The following PADI2 variants were observed in gnomAD, a reference collection of about 807,000 sequenced individuals.
PADI2 encodes the protein protein-arginine deiminase type-2.
PADI2 carries 70 observed loss-of-function variants against 81.1 expected under a neutral mutation model. That is an observed-to-expected ratio of 0.86 (90% CI 0.71 to 1.05). PADI2 has a LOEUF of 1.05. Among genes scored for constraint, PADI2 ranks in the 50% least tolerant of loss-of-function variants. PADI2 has a pLI of 0.00. For synonymous variants in PADI2, 338 were observed against 358.0 expected, an observed-to-expected ratio of 0.94 and a Z score of 0.63; for missense variants, 853 against 889.9, an observed-to-expected ratio of 0.96 and a Z score of 0.53.
At chr1:17,095,155 A>G (rs1033324495) in intron 4 of PADI2, among the ~76,000 whole-genome samples, 1 of 152,250 alleles carries the variant, frequency 6.6e-6, no homozygotes, top group African/African-American at 2.4e-5. Context: ...GAAGGGCAGA[A>G]AATGGAAAGC....
intron 1 of PADI2, among the ~76,000 whole-genome samples, chr1:17,117,985 G>A (rs1569755): frequency 0.56 from 84,598 of 152,032 alleles, 25,131 homozygotes; most frequent in East Asian, 0.87. Context: ...AGGCCCAGGG[G>A]AAGGCAGAGG....
chr1:17,100,206 G>C (rs555249873), intron 3 of PADI2, among the ~76,000 whole-genome samples: 1 of 152,338 alleles, frequency 6.6e-6, no homozygotes, highest in African/African-American at 2.4e-5. Context: ...CAGGGTCTCT[G>C]TTGGAACAGG....
At position 17,119,416 on chromosome 1, in the gene PADI2, G is replaced by A. The variant is rs961145105; in HGVS notation, c.-45C>T. ...GCGCTCGCTGGTCCGGGGCGGCCGG[G>A]AGCACCTGCAGCAGGTGCGCCTTCT... On this transcript the variant is annotated 5_prime_UTR_variant, in exon 1 of 16. Transcript: ENST00000375486. The surrounding 1 kb of genome is among the most constrained non-coding windows in gnomAD (Gnocchi z 4.8). The A allele has an allele frequency of 1.4e-6, 2 of 1,430,888 alleles. No individual in the cohort carries two copies. Among genetic ancestry groups the A allele is most frequent in the South Asian group, 2.6e-5 (2 of 78,224 alleles). 88.6% of individuals were successfully genotyped at this position (1,430,888 alleles called of 1,614,324 possible). A position where few individuals can be genotyped will look rare whatever the true frequency, so the allele number is the denominator to read the frequency against.
intron 1 of PADI2, among the ~76,000 whole-genome samples, chr1:17,113,373 C>A (rs1931650902): frequency 6.6e-6 from 1 of 152,132 alleles, no homozygotes; most frequent in Non-Finnish European, 1.5e-5. Flanking sequence ...TGACCTCAGC[C>A]CATTCTTTCG....
In PADI2 at chr1:17,100,263, G is replaced by A. The variant is rs1270958674; in HGVS notation, c.349+2724C>T. Reference sequence around the variant, plus strand: ...AGTTTCTTTTTGCAATTGAATGACTGTCTCTTATTCTGTTTTTTGTTTTGT... The same window carrying A: ...AGTTTCTTTTTGCAATTGAATGACTATCTCTTATTCTGTTTTTTGTTTTGT... On this transcript the variant is annotated intron_variant, in intron 3 of 15. Transcript: ENST00000375486. Among the ~76,000 whole-genome samples the A allele has an allele frequency of 2.7e-5, 4 of 149,598 alleles. No individual in the cohort carries two copies. The East Asian group carries it at 7.7e-4, about 29-fold the overall frequency.
At chr1:17,098,078 C>T (rs1481665747) in intron 3 of PADI2, among the ~76,000 whole-genome samples, 1 of 152,076 alleles carries the variant, frequency 6.6e-6, no homozygotes, top group African/African-American at 2.4e-5. Context: ...CCCAGGCCCG[C>T]AGCAGGGAAG....
At chr1:17,114,405 G>A (rs954936154) in intron 1 of PADI2, among the ~76,000 whole-genome samples, 5 of 152,184 alleles carry the variant, frequency 3.3e-5, no homozygotes. Context: ...GAGCAGGCAG[G>A]GGCCTGGGCT....
intron 9 of PADI2, chr1:17,083,480 C>A (rs182017814): frequency 2.1e-6 from 1 of 469,366 alleles, no homozygotes; most frequent in Non-Finnish European, 3.8e-6. Flanking sequence ...ACAGAACTTC[C>A]GGGAAGGCCG....
intron 11 of PADI2, among the ~76,000 whole-genome samples, chr1:17,076,951 A>G (rs896600579): frequency 6.6e-6 from 1 of 152,096 alleles, no homozygotes; most frequent in Admixed American, 6.6e-5. Flanking sequence ...CTAGCTCCTT[A>G]GGGTGGCCAA....
intron 10 of PADI2, among the ~76,000 whole-genome samples, chr1:17,079,975 G>C (rs1386698486): frequency 6.6e-6 from 1 of 152,038 alleles, no homozygotes; most frequent in Non-Finnish European, 1.5e-5. Context: ...ATTTTTAGTA[G>C]AGATGGGGTT....
At chr1:17,073,493 C>T (rs997323960) in intron 13 of PADI2, among the ~76,000 whole-genome samples, 23 of 151,686 alleles carry the variant, frequency 1.5e-4, no homozygotes, top group Non-Finnish European at 1.0e-4. Context: ...TTTAATGTCC[C>T]GGAACTGTGT....
intron 2 of PADI2, among the ~76,000 whole-genome samples, chr1:17,104,274 AG>A (rs200028575): frequency 0.057 from 8,641 of 151,524 alleles, 809 homozygotes; most frequent in African/African-American, 0.19. Flanking sequence ...TGGGTGACAG[AG>A]GGAGACTCCG....
chr1:17,082,752 C>A, intron 9 of PADI2, 100 bp from the exon 10 acceptor site: 1 of 704,700 alleles, frequency 1.4e-6, no homozygotes, highest in Non-Finnish European at 2.5e-6. Flanking sequence ...GGAAGAAGAA[C>A]GTCTGTCTTG....
chr1:17,111,786 A>G (rs1931588787), intron 1 of PADI2, among the ~76,000 whole-genome samples: 1 of 152,156 alleles, frequency 6.6e-6, no homozygotes, highest in African/African-American at 2.4e-5. Flanking sequence ...TTTGACAACC[A>G]CTGAGTTGGA....
rs1458553614 is a variant in PADI2 at position 17,067,902 on chromosome 1, T to C, written c.*1142A>G. 1.3e-5 allele frequency: 2 copies of C among 152,518 alleles called. No individual in the cohort carries two copies. Among genetic ancestry groups the C allele is most frequent in the Non-Finnish European group, 1.5e-5 (1 of 68,044 alleles). The allele number at this position is 152,518 out of a possible 1,614,324, so 9.4% of individuals were successfully genotyped here. Reference sequence around the variant, plus strand: ...AACGATTGAAACTGAGTCTTTTCAGTTGGAGCCAGGGAATGAATCTGGGTA... The same window carrying C: ...AACGATTGAAACTGAGTCTTTTCAGCTGGAGCCAGGGAATGAATCTGGGTA... On this transcript the variant is annotated 3_prime_UTR_variant, in exon 16 of 16. Transcript: ENST00000375486.
At chr1:17,092,901 A>G (rs1371817470) in intron 5 of PADI2, among the ~76,000 whole-genome samples, 1 of 149,520 alleles carries the variant, frequency 6.7e-6, no homozygotes, top group Non-Finnish European at 1.5e-5. Flanking sequence ...GTGAGCTATG[A>G]TCATGCCACT....
At chr1:17,118,520 G>A (rs1931832387) in intron 1 of PADI2, among the ~76,000 whole-genome samples, 1 of 152,090 alleles carries the variant, frequency 6.6e-6, no homozygotes, top group Admixed American at 6.6e-5. Context: ...ACCTTCAGCT[G>A]TCTCGGACAT....
chr1:17,095,306 A>G (rs1418860341), intron 4 of PADI2, among the ~76,000 whole-genome samples: 6 of 152,180 alleles, frequency 3.9e-5, no homozygotes, highest in Non-Finnish European at 8.8e-5. Context: ...CACCAACCAC[A>G]CCACATGCCT....
chr1:17,093,710 T>C, intron 4 of PADI2, 26 bp from the exon 5 acceptor site: 1 of 1,350,138 alleles, frequency 7.4e-7, no homozygotes, highest in Non-Finnish European at 1.1e-6. Flanking sequence ...GAAAGGTCAG[T>C]GCCCTCTTCT....
Sources: gnomAD v4.1 joint callset for allele counts (sites outside exome capture counted in the v4.1 genomes callset) on GRCh38, gnomAD v4.1.1 for gene constraint, Gnocchi (gnomAD v3.1) non-coding constraint, MANE v1.5 for transcripts, NCBI Gene and HGNC (gene_info 2026-07-23, HGNC 2026-07-21) for gene names.